Variants in TMC5 observed in about 807,000 individuals in gnomAD.
TMC5 encodes the protein transmembrane channel-like protein 5.
Under a neutral mutation model 110.5 loss-of-function variants are expected in TMC5, and 86 were observed. The ratio of observed to expected loss-of-function variants is 0.78; its 90% CI spans 0.65 to 0.93. The LOEUF (loss-of-function observed/expected upper bound fraction) is 0.93. Ranked by LOEUF, TMC5 falls within the 40% of genes least tolerant of loss-of-function variation. The probability of loss-of-function intolerance (pLI) is 0.00; values close to 1 mark genes in which losing one functional copy is unlikely to be tolerated. For synonymous variants in TMC5, 455 were observed against 439.5 expected, an observed-to-expected ratio of 1.04 and a Z score of -0.44; for missense variants, 1,144 against 1,222.8, an observed-to-expected ratio of 0.94 and a Z score of 0.96.
In TMC5 at chr16:19,452,984, C is replaced by T. The variant is rs983449245; in HGVS notation, c.1048+3353C>T. On this transcript the variant is annotated intron_variant, in intron 5 of 21. Coordinates refer to ENST00000542583, the MANE Select transcript of TMC5 (RefSeq NM_001261841.2). ...TATGGTAGTTATGAGCCAGGAACCACGGGTGGGAAAAAATTATATATATAT... is the reference window on the plus strand; with the variant it reads ...TATGGTAGTTATGAGCCAGGAACCATGGGTGGGAAAAAATTATATATATAT... Among the ~76,000 whole-genome samples the T allele has an allele frequency of 7.0e-5, 10 of 142,312 alleles. No homozygotes were observed. In the South Asian group the frequency reaches 7.1e-4, roughly 10 times the overall value. 93.4% of individuals were successfully genotyped at this position (142,312 alleles called of 152,430 possible).
At chr16:19,433,380 T>C (rs1424171273) in intron 2 of TMC5, among the ~76,000 whole-genome samples, 1 of 152,194 alleles carries the variant, frequency 6.6e-6, no homozygotes, top group Non-Finnish European at 1.5e-5. Flanking sequence ...CAGTCACTTA[T>C]GCTCACAGCC....
rs766683029 is a variant in TMC5 at position 19,463,285 on chromosome 16, T to C, written c.1154T>C (p.Ile385Thr). ...TMEEKRNLRK[I>T]VDKEKSKQTH... Reference sequence around the variant, plus strand: ...TCTCTTGCTGTTCCCTACAGGAAAATAGTTGACAAAGAAAAAAGCAAACAG... The same window carrying C: ...TCTCTTGCTGTTCCCTACAGGAAAACAGTTGACAAAGAAAAAAGCAAACAG... The change falls in exon 7 of 22, where the codon ATA becomes ACA. Residue 385 changes from isoleucine to threonine, a missense_variant. Coordinates refer to ENST00000542583, the MANE Select transcript of TMC5 (RefSeq NM_001261841.2). 6.2e-7 allele frequency: 1 copy of C among 1,612,932 alleles called. No homozygotes were observed. The highest frequency in any genetic ancestry group is 1.3e-5 in the African/African-American group (1 of 74,998).
At position 19,466,154 on chromosome 16, in the gene TMC5, G is replaced by T. The variant is rs1464635367; in HGVS notation, c.1558G>T (p.Ala520Ser). 1 of 1,614,100 alleles carries T rather than the reference G, an allele frequency of 6.2e-7. No homozygotes were observed. Among genetic ancestry groups the T allele is most frequent in the South Asian group, 1.1e-5 (1 of 91,084 alleles). The stretch of plus-strand genomic sequence containing the variant: ...CACCATCCAGCACGGGAACAGCGGG[G>T]CATCCTACAACATGCAGCTGGCCTA... ...NSTIQHGNSG[A>S]SYNMQLAYIF... Residue 520 changes from alanine to serine, a missense_variant, in exon 9 of 22, where the codon GCA (alanine) becomes TCA (serine). Transcript: ENST00000542583.
chr16:19,471,509 G>T (rs1370310642), intron 10 of TMC5, among the ~76,000 whole-genome samples: 2 of 152,140 alleles, frequency 1.3e-5, no homozygotes, highest in African/African-American at 4.8e-5. Flanking sequence ...TAAGAACATG[G>T]TCCCGATCTA....
intron 4 of TMC5, among the ~76,000 whole-genome samples, chr16:19,447,340 G>C (rs1412308457): frequency 1.3e-5 from 2 of 152,092 alleles, no homozygotes; most frequent in Non-Finnish European, 2.9e-5. Context: ...GCCTTGGCTT[G>C]GAACTGGCAC....
chr16:19,464,920 A>G (rs1263578014), intron 8 of TMC5, among the ~76,000 whole-genome samples: 1 of 150,920 alleles, frequency 6.6e-6, no homozygotes, highest in Non-Finnish European at 1.5e-5. Context: ...AGGCACATAG[A>G]TTATTATGCT....
At chr16:19,460,147 G>A in intron 5 of TMC5, 88 bp from the exon 6 acceptor site, 1 of 948,674 alleles carries the variant, frequency 1.1e-6, no homozygotes, top group Non-Finnish European at 1.6e-6. Context: ...CTTCCCTTGT[G>A]TTACGTGCTC....
chr16:19,473,656 G>A (rs545970176), intron 11 of TMC5, among the ~76,000 whole-genome samples: 132 of 152,190 alleles, frequency 8.7e-4, no homozygotes, highest in Non-Finnish European at 1.6e-3. Flanking sequence ...TGCTTGGCAC[G>A]GGGTAAGGAA....
intron 2 of TMC5, among the ~76,000 whole-genome samples, chr16:19,432,731 A>C (rs1021900950): frequency 2.6e-5 from 4 of 152,220 alleles, no homozygotes; most frequent in African/African-American, 9.6e-5. Context: ...TGCAATACAC[A>C]AGCTCTTGTC....
At chr16:19,462,394 C>T in intron 6 of TMC5, 1 of 599,512 alleles carries the variant, frequency 1.7e-6, no homozygotes, top group Non-Finnish European at 3.0e-6. Context: ...CAAAATCCCC[C>T]TAGGTTGAGA....
intron 18 of TMC5, 147 bp downstream of exon 18, chr16:19,490,715 C>CTTCCTTCCTTCT (rs1968866556): frequency 2.0e-5 from 1 of 49,822 alleles, no homozygotes; most frequent in African/African-American, 9.4e-5. Context: ...GTTTTCTTTC[C>CTTCCTTCCTTCT]TTCCTTCCTT....
chr16:19,422,465 A>G (rs1967006252), intron 1 of TMC5, among the ~76,000 whole-genome samples: 1 of 152,106 alleles, frequency 6.6e-6, no homozygotes, highest in African/African-American at 2.4e-5. Context: ...CTCCATAATC[A>G]TATGTTTGCA....
chr16:19,497,206 C>T (rs937001697), intron 21 of TMC5, 43 bp downstream of exon 21: 1 of 1,578,516 alleles, frequency 6.3e-7, no homozygotes, highest in African/African-American at 1.3e-5. Flanking sequence ...TAATTTATTT[C>T]TGGTGAAATA....
At chr16:19,485,245 C>T (rs1191432804) in intron 15 of TMC5, among the ~76,000 whole-genome samples, 1 of 151,540 alleles carries the variant, frequency 6.6e-6, no homozygotes, top group Non-Finnish European at 1.5e-5. Context: ...TCTCAAAAAA[C>T]CCTGTGAGTA....
At chr16:19,420,610 T>A (rs1966962805) in intron 1 of TMC5, among the ~76,000 whole-genome samples, 1 of 152,070 alleles carries the variant, frequency 6.6e-6, no homozygotes, top group Non-Finnish European at 1.5e-5. Flanking sequence ...AACGGCTGCA[T>A]GCCACTGTGC....
rs1454662218 is a variant in TMC5 at position 19,427,031 on chromosome 16, C to T, written c.-307-3382C>T. Reference sequence around the variant, plus strand: ...TTCTAGTGCCAAAACTGGGGAAGTCCTGGGCACACTGGGACAAGCTGGTCA... The same window carrying T: ...TTCTAGTGCCAAAACTGGGGAAGTCTTGGGCACACTGGGACAAGCTGGTCA... On this transcript the variant is annotated intron_variant, in intron 1 of 21. Transcript: ENST00000542583. 2.0e-5 allele frequency among the ~76,000 whole-genome samples: 3 copies of T among 151,770 alleles called. No individual in the cohort carries two copies. In the Admixed American group the frequency reaches 2.0e-4, roughly 10 times the overall value.
intron 9 of TMC5, among the ~76,000 whole-genome samples, chr16:19,467,372 G>T (rs907734658): frequency 6.6e-6 from 1 of 152,054 alleles, no homozygotes; most frequent in African/African-American, 2.4e-5. Context: ...GTCTTCACAT[G>T]GTTATCCCTC....
intron 17 of TMC5, among the ~76,000 whole-genome samples, chr16:19,488,686 C>T (rs1178155064): frequency 6.6e-6 from 1 of 152,168 alleles, no homozygotes; most frequent in African/African-American, 2.4e-5. Flanking sequence ...CTTCACAGCC[C>T]TCCTTGTCTG....
At chr16:19,442,144 A>C (rs1221378588) in intron 3 of TMC5, among the ~76,000 whole-genome samples, 1 of 152,092 alleles carries the variant, frequency 6.6e-6, no homozygotes, top group Non-Finnish European at 1.5e-5. Context: ...TTCCAGGTTT[A>C]GATTCTGTAG....
Sources: gnomAD v4.1 joint callset for allele counts (sites outside exome capture counted in the v4.1 genomes callset) on GRCh38, gnomAD v4.1.1 for gene constraint, MANE v1.5 for transcripts, NCBI Gene and HGNC (gene_info 2026-07-23, HGNC 2026-07-21) for gene names.